Variants in EPB41 observed in about 807,000 individuals in gnomAD.
The protein encoded by EPB41 is protein 4.1.
A neutral mutation model predicts 108.0 loss-of-function variants in EPB41; 65 were observed. The ratio of observed to expected loss-of-function variants is 0.60; its 90% CI spans 0.49 to 0.74. EPB41 has a LOEUF of 0.74. EPB41 is among the 30% of genes least tolerant of loss of function. The probability of loss-of-function intolerance (pLI) is 0.00; values close to 1 mark genes in which losing one functional copy is unlikely to be tolerated. For missense variants in EPB41, 875 were observed against 1,037.0 expected, an observed-to-expected ratio of 0.84 and a Z score of 2.15; for synonymous variants, 336 against 358.9, an observed-to-expected ratio of 0.94 and a Z score of 0.72.
At chr1:28,953,644 C>T (rs939063551) in intron 1 of EPB41, among the ~76,000 whole-genome samples, 10 of 152,150 alleles carry the variant, frequency 6.6e-5, no homozygotes, top group Non-Finnish European at 1.3e-4. Flanking sequence ...TGAATTGAAC[C>T]GTTTTCCAAT....
At chr1:29,096,352 G>A (rs760911640) in intron 16 of EPB41, 495 of 985,846 alleles carry the variant, frequency 5.0e-4, no homozygotes, top group Non-Finnish European at 5.8e-4. Context: ...AGAAGGAGGA[G>A]GGGGCAGCTG....
At chr1:29,002,551 T>A (rs1297381776) in intron 4 of EPB41, among the ~76,000 whole-genome samples, 2 of 152,208 alleles carry the variant, frequency 1.3e-5, no homozygotes, top group African/African-American at 4.8e-5. Flanking sequence ...AATCTAGAGA[T>A]GCATTCTGGA....
At chr1:29,021,405 T>C (rs1323490613) in intron 7 of EPB41, among the ~76,000 whole-genome samples, 5 of 152,132 alleles carry the variant, frequency 3.3e-5, no homozygotes, top group African/African-American at 1.2e-4. Flanking sequence ...AGAATTTTCC[T>C]AACGAAGCAG....
intron 1 of EPB41, among the ~76,000 whole-genome samples, chr1:28,898,852 A>G (rs1350094209): frequency 1.3e-5 from 2 of 152,236 alleles, no homozygotes; most frequent in African/African-American, 4.8e-5. Context: ...AGCAGCCTTG[A>G]AACAGGACAC....
chr1:29,007,257 A>G (rs961350463), intron 4 of EPB41, among the ~76,000 whole-genome samples: 2 of 152,122 alleles, frequency 1.3e-5, no homozygotes, highest in East Asian at 1.9e-4. Context: ...TTGCTTGACT[A>G]CACCACACTT....
chr1:28,918,654 G>T (rs2092856462), intron 1 of EPB41, among the ~76,000 whole-genome samples: 1 of 152,140 alleles, frequency 6.6e-6, no homozygotes, highest in Non-Finnish European at 1.5e-5. Flanking sequence ...GTTTATGCTT[G>T]TAATCCCAGC....
chr1:28,937,735 G>A (rs145328579), intron 1 of EPB41, among the ~76,000 whole-genome samples: 6 of 152,224 alleles, frequency 3.9e-5, no homozygotes, highest in Admixed American at 3.3e-4. Context: ...AAAAATTTTT[G>A]GTTGTTTTTG....
At chr1:29,034,728 A>T (rs555528872) in intron 9 of EPB41, among the ~76,000 whole-genome samples, 1 of 152,192 alleles carries the variant, frequency 6.6e-6, no homozygotes, top group South Asian at 2.1e-4. Flanking sequence ...TTAATGATCA[A>T]TCAAAGGAAA....
chr1:29,068,991 G>A (rs1428054781), intron 16 of EPB41, among the ~76,000 whole-genome samples: 2 of 152,058 alleles, frequency 1.3e-5, no homozygotes, highest in African/African-American at 2.4e-5. Flanking sequence ...TGCTTATTTC[G>A]GCGCATGGCT....
In EPB41 at chr1:29,003,098, T is replaced by A. The variant is rs372119442; in HGVS notation, c.786+5779T>A. 3.9e-5 allele frequency among the ~76,000 whole-genome samples: 6 copies of A among 152,352 alleles called. 1 individual carries two copies. In the South Asian group the frequency reaches 1.2e-3, roughly 32 times the overall value. Reference sequence around the variant, plus strand: ...ACCAAAACAATGGCCTTCCATAATTTTTGTTTAACACTATCAGTCCATGTA... The same window carrying A: ...ACCAAAACAATGGCCTTCCATAATTATTGTTTAACACTATCAGTCCATGTA... On this transcript the variant is annotated intron_variant, in intron 4 of 20. Coordinates refer to ENST00000343067, the MANE Select transcript of EPB41 (RefSeq NM_001376013.1).
chr1:28,929,843 C>CTTTTTTT lies in EPB41; in HGVS notation c.-8+15093_-8+15099dup, dbSNP rs56337991. On this transcript the variant is annotated intron_variant, in intron 1 of 20. Coordinates refer to ENST00000343067, the MANE Select transcript of EPB41 (RefSeq NM_001376013.1). ...GCCACCGCGCCTGGCACTGGGCCTTCTTTTTTTTTTTTTTTTTTTTTTTTA... is the reference window on the plus strand; with the variant it reads ...GCCACCGCGCCTGGCACTGGGCCTTCTTTTTTTTTTTTTTTTTTTTTTTTTTTTTTTA... 1.4e-3 allele frequency among the ~76,000 whole-genome samples: 145 copies of CTTTTTTT among 101,796 alleles called. 3 individuals are homozygous for CTTTTTTT. The highest frequency in any genetic ancestry group is 8.3e-3 in the East Asian group (26 of 3,124). 66.8% of individuals were successfully genotyped at this position (101,796 alleles called of 152,430 possible). A position where few individuals can be genotyped will look rare whatever the true frequency, so the allele number is the denominator to read the frequency against.
chr1:28,909,827 T>TAGAC (rs2092126247), upstream of EPB41, among the ~76,000 whole-genome samples: 1 of 151,664 alleles, frequency 6.6e-6, no homozygotes, highest in African/African-American at 2.4e-5. Flanking sequence ...GATAGATAGA[T>TAGAC]AGATAGTATA....
At chr1:29,007,168 T>G (rs900964403) in intron 4 of EPB41, among the ~76,000 whole-genome samples, 1 of 152,016 alleles carries the variant, frequency 6.6e-6, no homozygotes, top group African/African-American at 2.4e-5. Flanking sequence ...CTTGATTTAC[T>G]GCATCCTCCA....
intron 16 of EPB41, among the ~76,000 whole-genome samples, chr1:29,082,814 C>T (rs913969898): frequency 2.0e-5 from 3 of 152,120 alleles, no homozygotes; most frequent in Non-Finnish European, 2.9e-5. Context: ...ATTTTGCATC[C>T]GGCATGGATT....
chr1:28,893,118 G>C (rs575899102), intron 1 of EPB41, among the ~76,000 whole-genome samples: 181 of 152,170 alleles, frequency 1.2e-3, no homozygotes, highest in African/African-American at 4.1e-3. Context: ...GTCTCACTCT[G>C]TCGCCCAGGT....
intron 4 of EPB41, among the ~76,000 whole-genome samples, chr1:28,999,565 T>A (rs1313851673): frequency 6.6e-6 from 1 of 152,160 alleles, no homozygotes; most frequent in African/African-American, 2.4e-5. Context: ...ACCTACGTGT[T>A]TAATATGGCT....
At chr1:29,076,753 G>C (rs1260580431) in intron 16 of EPB41, among the ~76,000 whole-genome samples, 1 of 152,238 alleles carries the variant, frequency 6.6e-6, no homozygotes, top group East Asian at 1.9e-4. Context: ...GAGGTAAGAG[G>C]CTCTTTAGGC....
intron 16 of EPB41, chr1:29,069,115 C>G: frequency 8.3e-7 from 1 of 1,197,724 alleles, no homozygotes; most frequent in Non-Finnish European, 1.0e-6. Context: ...TTTCAAAAAT[C>G]ATCATAATTT....
intron 1 of EPB41, chr1:28,982,504 C>T: frequency 1.1e-6 from 1 of 892,012 alleles, no homozygotes; most frequent in Non-Finnish European, 1.9e-6. Flanking sequence ...GCTGTAGGGG[C>T]AATCTGAGGT....
Sources: gnomAD v4.1 joint callset for allele counts (sites outside exome capture counted in the v4.1 genomes callset) on GRCh38, gnomAD v4.1.1 for gene constraint, MANE v1.5 for transcripts, NCBI Gene and HGNC (gene_info 2026-07-23, HGNC 2026-07-21) for gene names.